The following ACSBG2 variants were observed in gnomAD, a reference collection of about 807,000 sequenced individuals.
The protein encoded by ACSBG2 is long-chain-fatty-acid--CoA ligase ACSBG2.
A neutral mutation model predicts 74.7 loss-of-function variants in ACSBG2; 62 were observed. The ratio of observed to expected loss-of-function variants is 0.83; its 90% CI spans 0.68 to 1.03. ACSBG2 has a LOEUF of 1.03. ACSBG2 is among the 50% of genes least tolerant of loss of function. The pLI is 0.00. For synonymous variants in ACSBG2, 309 were observed against 294.1 expected (o/e 1.05, Z -0.52); for missense variants, 730 against 817.6 (o/e 0.89, Z 1.31).
At chr19:6,153,818 A>G (rs1451521853) in intron 4 of ACSBG2, among the ~76,000 whole-genome samples, 1 of 151,944 alleles carries the variant, frequency 6.6e-6, no homozygotes, top group African/African-American at 2.4e-5. Flanking sequence ...ACTGCACTCC[A>G]GCCTGGGCAA....
rs759912723 is a variant in ACSBG2, at chr19:6,190,567, T to C, written c.1928-17T>C. On this transcript the variant is annotated splice_polypyrimidine_tract_variant and intron_variant, in intron 13 of 14. Transcript: ENST00000588485. ...CTTTTATCTCCACAACTCAATTGAT[T>C]TCTCCTTTCTCGATAGGTCCAATGA... The C allele has an allele frequency of 3.1e-6, 5 of 1,610,504 alleles. No individual in the cohort carries two copies. In the South Asian group the frequency reaches 3.3e-5, roughly 11 times the overall value.
Position 6,150,585 on chromosome 19 carries a change from G to C in ACSBG2, c.298-1122G>C, listed in dbSNP as rs563576403. 3.3e-5 allele frequency among the ~76,000 whole-genome samples: 5 copies of C among 152,296 alleles called. No individual in the cohort carries two copies. The East Asian group carries it at 9.6e-4, about 29-fold the overall frequency. ...GAGGACATCATACTCGGTGAAATAA[G>C]CCAGACACAAAAGGGCAAATCCCGT... On this transcript the variant is annotated intron_variant, in intron 3 of 14. Coordinates refer to ENST00000588485, the MANE Select transcript of ACSBG2 (RefSeq NM_030924.5).
intron 7 of ACSBG2, among the ~76,000 whole-genome samples, chr19:6,168,215 G>A (rs1320275392): frequency 6.6e-6 from 1 of 151,996 alleles, no homozygotes; most frequent in African/African-American, 2.4e-5. Flanking sequence ...CCTCCTTGCT[G>A]TTCCTCCAAC....
At chr19:6,191,405 A>G (rs916553629) in intron 14 of ACSBG2, 2 of 152,172 alleles carry the variant, frequency 1.3e-5, no homozygotes, top group African/African-American at 4.8e-5. Flanking sequence ...AGTACCACAG[A>G]CTGGAGGGCT....
At chr19:6,160,697 T>C (rs1183320964) in intron 5 of ACSBG2, 1 of 152,988 alleles carries the variant, frequency 6.5e-6, no homozygotes, top group African/African-American at 2.4e-5. Context: ...CTACCGACAC[T>C]GTTGGAAGCT....
At position 6,183,284 on chromosome 19, in the gene ACSBG2, C is replaced by T. The variant is rs556567086; in HGVS notation, c.1322+12C>T. On this transcript the variant is annotated intron_variant, in intron 10 of 14. Coordinates refer to ENST00000588485, the MANE Select transcript of ACSBG2 (RefSeq NM_030924.5). The stretch of plus-strand genomic sequence containing the variant: ...TACAGGCTTCTAAGGTACCAGCCCC[C>T]GGGGCAGACCCCTGCTCCTCCCATA... 3.4e-4 allele frequency: 540 copies of T among 1,609,798 alleles called. 2 individuals are homozygous for T. The South Asian group carries it at 4.4e-3, about 13-fold the overall frequency.
intron 7 of ACSBG2, among the ~76,000 whole-genome samples, chr19:6,166,242 C>A (rs2089796602): frequency 6.7e-6 from 1 of 149,314 alleles, no homozygotes; most frequent in South Asian, 2.1e-4. Context: ...AGGGTATGCA[C>A]CCAGCAGACA....
intron 11 of ACSBG2, 62 bp downstream of exon 11, chr19:6,185,715 G>T: frequency 6.3e-7 from 1 of 1,578,788 alleles, no homozygotes; most frequent in Non-Finnish European, 8.7e-7. Context: ...ACATTTAAGG[G>T]CCCAGGGTAC....
At chr19:6,185,681 C>T (rs2090386748) in intron 11 of ACSBG2, 28 bp downstream of exon 11, 2 of 1,612,076 alleles carry the variant, frequency 1.2e-6, no homozygotes, top group African/African-American at 1.3e-5. Flanking sequence ...CTTTGGGAAT[C>T]TCCTGCAAGC....
intron 13 of ACSBG2, among the ~76,000 whole-genome samples, chr19:6,189,520 G>A (rs1006521130): frequency 6.6e-6 from 1 of 151,350 alleles, no homozygotes; most frequent in African/African-American, 2.4e-5. Context: ...TTGTCCCACT[G>A]AGTCTTGTTT....
Position 6,149,493 on chromosome 19 carries a change from T to G in ACSBG2, c.297+1818T>G, listed in dbSNP as rs143908358. On this transcript the variant is annotated intron_variant, in intron 3 of 14. Coordinates refer to ENST00000588485, the MANE Select transcript of ACSBG2 (RefSeq NM_030924.5). ...CACATTCAGAACAAGTCTGTACCTTTACATGTGCAACTTTTTTTTTTTTTT... is the reference window on the plus strand; with the variant it reads ...CACATTCAGAACAAGTCTGTACCTTGACATGTGCAACTTTTTTTTTTTTTT... Among the ~76,000 whole-genome samples the G allele has an allele frequency of 2.6e-3, 377 of 145,778 alleles. 5 individuals carry two copies. The highest frequency in any genetic ancestry group is 9.0e-3 in the African/African-American group (359 of 39,900).
chr19:6,147,483 A>G lies in ACSBG2; in HGVS notation c.105A>G (p.Glu35=), dbSNP rs936039891. ...PRLWTTCRDG[E]VLLRLSKHGP... ...TGTGGACCACCTGTCGAGATGGAGA[A>G]GTCCTTCTGAGGCTATCCAAACACG... The change falls in exon 3 of 15, where the codon GAA becomes GAG. Residue 35 remains glutamate (E), a synonymous_variant. Transcript: ENST00000588485. 3 of 1,614,078 alleles carry G rather than the reference A, an allele frequency of 1.9e-6. No individual in the cohort carries two copies. The African/African-American group carries it at 4.0e-5, about 22-fold the overall frequency.
At position 6,192,071 on chromosome 19, in the gene ACSBG2, C is replaced by CAAAAAAAAAA. The variant is rs397859531; in HGVS notation, c.*36-581_*36-572dup. ...ACACTGGGCTTCAAAAGCACAGCACCAAAAAAAAAAAAAAAAAAAAAAAAA... is the reference window on the plus strand; with the variant it reads ...ACACTGGGCTTCAAAAGCACAGCACCAAAAAAAAAAAAAAAAAAAAAAAAAAAAAAAAAAA... On this transcript the variant is annotated intron_variant, in intron 14 of 14. Transcript: ENST00000588485. 51 of 57,444 alleles carry CAAAAAAAAAA rather than the reference C, an allele frequency of 8.9e-4. 1 individual carries two copies. The highest frequency in any genetic ancestry group is 4.0e-3 in the African/African-American group (47 of 11,688). 3.6% of individuals were successfully genotyped at this position (57,444 alleles called of 1,614,324 possible).
At position 6,187,730 on chromosome 19, in the gene ACSBG2, C is replaced by T. The variant is rs766671350; in HGVS notation, c.1812C>T (p.Tyr604=). The change falls in exon 13 of 15, where the codon TAC becomes TAT. Residue 604 remains tyrosine, a synonymous_variant. Coordinates refer to ENST00000588485, the MANE Select transcript of ACSBG2 (RefSeq NM_030924.5). ...EIVKQQDPLV[Y]KAIQQGINAV... Reference sequence around the variant, plus strand: ...TGAAGCAGCAAGACCCCCTGGTCTACAAGGCCATCCAGCAAGGCATCAATG... The same window carrying T: ...TGAAGCAGCAAGACCCCCTGGTCTATAAGGCCATCCAGCAAGGCATCAATG... 2 of 1,614,152 alleles carry T rather than the reference C, an allele frequency of 1.2e-6. No homozygotes were observed. The highest frequency in any genetic ancestry group is 1.7e-6 in the Non-Finnish European group (2 of 1,180,024).
intron 11 of ACSBG2, 144 bp downstream of exon 11, chr19:6,185,797 C>A (rs894757665): frequency 1.7e-5 from 13 of 776,874 alleles, no homozygotes; most frequent in Non-Finnish European, 2.1e-6. Flanking sequence ...TCTGTACAAC[C>A]CAGCTCTATC....
chr19:6,171,145 A>AG (rs1334398619), intron 7 of ACSBG2, among the ~76,000 whole-genome samples: 1 of 152,034 alleles, frequency 6.6e-6, no homozygotes. Context: ...AGGCAGCAGC[A>AG]GGTTGGGTCT....
chr19:6,155,725 G>T (rs556925005), intron 4 of ACSBG2, among the ~76,000 whole-genome samples: 51 of 150,546 alleles, frequency 3.4e-4, no homozygotes, highest in African/African-American at 1.1e-3. Flanking sequence ...AGGAGGTTGA[G>T]GTTGCAGTGA....
intron 4 of ACSBG2, among the ~76,000 whole-genome samples, chr19:6,152,747 G>C (rs1165140500): frequency 2.0e-5 from 3 of 152,110 alleles, no homozygotes; most frequent in Non-Finnish European, 4.4e-5. Context: ...TCTTGGAAGT[G>C]TTATTAGTGA....
intron 6 of ACSBG2, among the ~76,000 whole-genome samples, chr19:6,163,951 AAAAG>A (rs1015223184): frequency 2.0e-5 from 3 of 152,264 alleles, no homozygotes; most frequent in East Asian, 1.9e-4. Flanking sequence ...CTCAAAAGAA[AAAAG>A]AAAGAAAGAA....
Sources: gnomAD v4.1 joint callset for allele counts (sites outside exome capture counted in the v4.1 genomes callset) on GRCh38, gnomAD v4.1.1 for gene constraint, MANE v1.5 for transcripts, NCBI Gene and HGNC (gene_info 2026-07-23, HGNC 2026-07-21) for gene names.